CEP250: variants seen among roughly 807,000 people sequenced by gnomAD.
The protein encoded by CEP250 is centrosomal protein 250, also known as centrosome-associated protein CEP250.
CEP250 carries 242 observed loss-of-function variants against 315.7 expected under a neutral mutation model. That is an observed-to-expected ratio of 0.77 (90% CI 0.69 to 0.85). The LOEUF (loss-of-function observed/expected upper bound fraction) is 0.85, where lower values mean the gene tolerates loss of function less well. Among genes scored for constraint, CEP250 ranks in the 40% least tolerant of loss-of-function variants. The probability of loss-of-function intolerance (pLI) is 0.00; values close to 1 mark genes in which losing one functional copy is unlikely to be tolerated. For missense variants in CEP250, 2,515 were observed against 2,886.4 expected (o/e 0.87, Z 2.95); for synonymous variants, 1,088 against 1,175.0 (o/e 0.93, Z 1.51).
intron 33 of CEP250, among the ~76,000 whole-genome samples, 177 bp from the exon 34 acceptor site, chr20:35,509,821 G>C (rs1393304736): frequency 6.6e-6 from 1 of 152,234 alleles, no homozygotes; most frequent in African/African-American, 2.4e-5. Context: ...GCTGGTGTGG[G>C]GCCTCTCCTT....
chr20:35,479,118 G>A (rs2063262888), intron 17 of CEP250, 113 bp from the exon 18 acceptor site: 2 of 1,015,810 alleles, frequency 2.0e-6, no homozygotes, highest in Non-Finnish European at 2.9e-6. Context: ...AAGCAATCCG[G>A]GCTCACAGAG....
chr20:35,498,803 T>C, intron 27 of CEP250, 87 bp downstream of exon 27: 1 of 1,425,358 alleles, frequency 7.0e-7, no homozygotes, highest in East Asian at 2.6e-5. Flanking sequence ...TGACCTGTTT[T>C]ATTCCTGAGA....
In CEP250 at chr20:35,511,572, A is replaced by G; in HGVS notation, c.7275A>G (p.Pro2425=). 1 of 1,613,766 alleles carries G rather than the reference A, an allele frequency of 6.2e-7. No homozygotes were observed. Among genetic ancestry groups the G allele is most frequent in the Non-Finnish European group, 8.5e-7 (1 of 1,179,960 alleles). The change falls in exon 35 of 35, where the codon CCA becomes CCG. Residue 2425 remains proline (P), a synonymous_variant. Coordinates refer to ENST00000397527, the MANE Select transcript of CEP250 (RefSeq NM_007186.6). The stretch of plus-strand genomic sequence containing the variant: ...CCCTGACTCAAAGTCTGACATCCCC[A>G]GGGCCAGTCCTGCTACACCCCAGCC... The part of the protein sequence containing the change: ...DESLTQSLTS[P]GPVLLHPSPS...
chr20:35,488,407 C>A lies in CEP250; in HGVS notation c.2587-2230C>A, dbSNP rs773798692. 7.1e-4 allele frequency among the ~76,000 whole-genome samples: 108 copies of A among 152,080 alleles called. 1 individual carries two copies. Among genetic ancestry groups the A allele is most frequent in the Non-Finnish European group, 4.6e-4 (31 of 68,020 alleles). On this transcript the variant is annotated intron_variant, in intron 20 of 34. Coordinates refer to ENST00000397527, the MANE Select transcript of CEP250 (RefSeq NM_007186.6). ...TCCTGTAACTGACATTACACATTGC[C>A]GGGTTTTATAAGGAAGAACAAAGGA... is the stretch of plus-strand genomic sequence containing the variant.
At chr20:35,478,836 A>G (rs1046415186) in intron 17 of CEP250, among the ~76,000 whole-genome samples, 4 of 152,234 alleles carry the variant, frequency 2.6e-5, no homozygotes, top group Non-Finnish European at 1.5e-5. Flanking sequence ...GAGCCAATGA[A>G]TGACCTGGCT....
intron 20 of CEP250, among the ~76,000 whole-genome samples, chr20:35,486,613 C>T (rs1030340567): frequency 1.3e-5 from 2 of 152,126 alleles, no homozygotes; most frequent in Non-Finnish European, 2.9e-5. Context: ...TTCTGTGATA[C>T]ATTAAAATAC....
At chr20:35,483,308 G>A (rs1259147736) in intron 20 of CEP250, among the ~76,000 whole-genome samples, 4 of 148,110 alleles carry the variant, frequency 2.7e-5, no homozygotes, top group African/African-American at 1.0e-4. Context: ...CAACAAGAAC[G>A]AAACTCCGTC....
At chr20:35,471,823 T>C (rs1420067773) in intron 10 of CEP250, among the ~76,000 whole-genome samples, 1 of 152,258 alleles carries the variant, frequency 6.6e-6, no homozygotes, top group Non-Finnish European at 1.5e-5. Context: ...GCAGGAATTC[T>C]AATCTGTGAA....
intron 5 of CEP250, among the ~76,000 whole-genome samples, chr20:35,464,094 T>C (rs191605222): frequency 2.4e-4 from 37 of 152,344 alleles, no homozygotes; most frequent in African/African-American, 8.7e-4. Flanking sequence ...CCAAAACTTA[T>C]TGAGCACCCT....
At chr20:35,509,116 T>C in intron 33 of CEP250, 72 bp downstream of exon 33, 1 of 1,268,218 alleles carries the variant, frequency 7.9e-7, no homozygotes. Context: ...CCCTCCTCAT[T>C]GCATATCCCG....
intron 20 of CEP250, among the ~76,000 whole-genome samples, chr20:35,485,304 G>A (rs552549097): frequency 1.3e-5 from 2 of 151,680 alleles, no homozygotes; most frequent in African/African-American, 2.4e-5. Flanking sequence ...AACCTGAGAG[G>A]TGGAGGTTGC....
chr20:35,469,792 A>G, intron 9 of CEP250, 98 bp from the exon 10 acceptor site: 2 of 626,590 alleles, frequency 3.2e-6, no homozygotes, highest in African/African-American at 4.0e-5. Flanking sequence ...TGCAGTTGGG[A>G]GTGGTTGGGG....
At chr20:35,485,265 C>T (rs530783539) in intron 20 of CEP250, among the ~76,000 whole-genome samples, 23 of 151,226 alleles carry the variant, frequency 1.5e-4, no homozygotes, top group African/African-American at 5.6e-4. Context: ...GTCCCAGCTA[C>T]TTGGGAGGCT....
At chr20:35,507,154 G>A (rs1025063272) in intron 30 of CEP250, among the ~76,000 whole-genome samples, 2 of 152,122 alleles carry the variant, frequency 1.3e-5, no homozygotes, top group African/African-American at 4.8e-5. Context: ...ATCCACCTGC[G>A]TACACTTGTT....
chr20:35,500,252 A>G lies in CEP250; in HGVS notation c.3898+83A>G, dbSNP rs1232070361. The G allele has an allele frequency of 7.3e-6, 11 of 1,513,662 alleles. No homozygotes were observed. The East Asian group carries it at 2.0e-4, about 28-fold the overall frequency. The allele number at this position is 1,513,662 out of a possible 1,614,324, so 93.8% of individuals were successfully genotyped here. A position where few individuals can be genotyped will look rare whatever the true frequency, so the allele number is the denominator to read the frequency against. On this transcript the variant is annotated intron_variant, in intron 28 of 34. Transcript: ENST00000397527. ...CAGAAGTGGCAGGCACAGGCCTAGC[A>G]GCCACTCTGTTTATTTTATTTTATT...
rs1418363249 is a variant in CEP250, at chr20:35,490,679, C to T, written c.2629C>T (p.Leu877=). Residue 877 remains leucine, a synonymous_variant, in exon 21 of 35, where the codon CTG becomes TTG. Coordinates refer to ENST00000397527, the MANE Select transcript of CEP250 (RefSeq NM_007186.6). ...GCACCAGCAGGAGCTGGCAAAGGCT[C>T]TGGAGAGCTTAGAAAGGGAAAAAAT... ...SWHQQELAKA[L]ESLEREKMEL... is the part of the protein sequence containing the mutation. 1 of 1,613,740 alleles carries T rather than the reference C, an allele frequency of 6.2e-7. No individual in the cohort carries two copies. The highest frequency in any genetic ancestry group is 2.2e-5 in the East Asian group (1 of 44,854).
intron 17 of CEP250, 67 bp downstream of exon 17, chr20:35,478,168 A>G: frequency 1.1e-5 from 11 of 1,033,322 alleles, no homozygotes; most frequent in Non-Finnish European, 1.6e-5. Context: ...AAATTAAAAC[A>G]CTACAGAAAT....
intron 16 of CEP250, 22 bp from the exon 17 acceptor site, chr20:35,477,849 C>G (rs1006112675): frequency 6.5e-7 from 1 of 1,547,480 alleles, no homozygotes; most frequent in African/African-American, 1.4e-5. Context: ...TGCTTGTACT[C>G]CCTTCCCTTT....
Position 35,496,572 on chromosome 20 carries a change from T to G in CEP250, c.3168-5T>G, listed in dbSNP as rs1474571010. 1 of 1,613,420 alleles carries G rather than the reference T, an allele frequency of 6.2e-7. No individual in the cohort carries two copies. Among genetic ancestry groups the G allele is most frequent in the Non-Finnish European group, 8.5e-7 (1 of 1,179,776 alleles). On this transcript the variant is annotated splice_polypyrimidine_tract_variant and splice_region_variant and intron_variant, in intron 24 of 34. Coordinates refer to ENST00000397527, the MANE Select transcript of CEP250 (RefSeq NM_007186.6). ...GGCCCAGCACTCTGACCCCTCTCTT[T>G]TTAGCCTGACTCTCTCACTGATGGA...
Sources: allele counts gnomAD v4.1 joint callset (sites outside exome capture counted in the v4.1 genomes callset), GRCh38; gene constraint gnomAD v4.1.1; transcripts MANE v1.5; gene names NCBI Gene and HGNC (gene_info 2026-07-23, HGNC 2026-07-21).